CTNNA2: variants seen among roughly 807,000 people sequenced by gnomAD.
The protein encoded by CTNNA2 is catenin alpha 2, also known as catenin alpha-2.
Under a neutral mutation model 101.0 loss-of-function variants are expected in CTNNA2, and 42 were observed. The observed-to-expected ratio is 0.42, with a 90% CI of 0.32 to 0.54. The LOEUF (loss-of-function observed/expected upper bound fraction) is 0.54, where lower values mean the gene tolerates loss of function less well. Among genes scored for constraint, CTNNA2 ranks in the 20% least tolerant of loss-of-function variants. The probability of loss-of-function intolerance (pLI) is 0.14; values close to 1 mark genes in which losing one functional copy is unlikely to be tolerated. For synonymous variants in CTNNA2, 450 were observed against 456.4 expected, an observed-to-expected ratio of 0.99 and a Z score of 0.18; for missense variants, 871 against 1,223.1, an observed-to-expected ratio of 0.71 and a Z score of 4.29.
At chr2:79,864,866 C>T (rs13023387) in intron 4 of CTNNA2, among the ~76,000 whole-genome samples, 34,413 of 152,012 alleles carry the variant, frequency 0.23, 4,353 homozygotes, top group East Asian at 0.58. Flanking sequence ...TCCTCTCCTC[C>T]GATTTCAGTC....
intron 7 of CTNNA2, among the ~76,000 whole-genome samples, chr2:80,014,922 T>C (rs1283204743): frequency 1.3e-5 from 2 of 152,174 alleles, no homozygotes; most frequent in Non-Finnish European, 2.9e-5. Flanking sequence ...GGAAGGAGTA[T>C]AATACTTAGA....
At chr2:80,067,238 A>G (rs1276714073) in intron 7 of CTNNA2, among the ~76,000 whole-genome samples, 1 of 152,166 alleles carries the variant, frequency 6.6e-6, no homozygotes, top group African/African-American at 2.4e-5. Flanking sequence ...CGCATCACAA[A>G]AAAATGAAAA....
intron 6 of CTNNA2, among the ~76,000 whole-genome samples, chr2:79,881,557 C>A (rs1197290725): frequency 6.6e-6 from 1 of 152,002 alleles, no homozygotes; most frequent in African/African-American, 2.4e-5. Flanking sequence ...TACCCTTCAC[C>A]ATTATGTAAT....
intron 2 of CTNNA2, among the ~76,000 whole-genome samples, chr2:79,676,142 GC>G (rs1490688281): frequency 4.6e-5 from 7 of 152,136 alleles, no homozygotes; most frequent in Non-Finnish European, 7.3e-5. Context: ...ACATGCTATA[GC>G]CTCCCTCTCC....
intron 1 of CTNNA2, among the ~76,000 whole-genome samples, chr2:79,613,361 T>C (rs919639427): frequency 6.6e-6 from 1 of 151,628 alleles, no homozygotes; most frequent in Non-Finnish European, 1.5e-5. Context: ...GTTTTTTTTT[T>C]TTTCTTGAAA....
chr2:79,859,133 A>T (rs1681381934), intron 4 of CTNNA2, among the ~76,000 whole-genome samples: 1 of 152,030 alleles, frequency 6.6e-6, no homozygotes. Context: ...AGATGATGAG[A>T]TGCAAACCAC....
intron 7 of CTNNA2, among the ~76,000 whole-genome samples, chr2:80,037,455 G>C (rs770912833): frequency 1.3e-5 from 2 of 152,094 alleles, no homozygotes; most frequent in African/African-American, 2.4e-5. Flanking sequence ...ATTACTACTC[G>C]AAGGCAAGTG....
intron 4 of CTNNA2, among the ~76,000 whole-genome samples, chr2:79,413,902 A>G (rs182060260): frequency 2.2e-4 from 32 of 143,324 alleles, no homozygotes; most frequent in Admixed American, 2.1e-3. Flanking sequence ...GTCTATTTTA[A>G]TCAGATTGTT....
At chr2:79,841,799 G>A (rs891469171) in intron 3 of CTNNA2, among the ~76,000 whole-genome samples, 2 of 152,214 alleles carry the variant, frequency 1.3e-5, no homozygotes, top group African/African-American at 4.8e-5. Flanking sequence ...CCAGATGTTT[G>A]TGCTTGCTCT....
chr2:80,391,614 G>C (rs533263663), intron 7 of CTNNA2, among the ~76,000 whole-genome samples: 1 of 152,188 alleles, frequency 6.6e-6, no homozygotes, highest in Non-Finnish European at 1.5e-5. Context: ...TTTGCAAGGA[G>C]AGAACCAAAC....
chr2:80,328,476 C>T (rs755452513), intron 7 of CTNNA2: 5 of 438,136 alleles, frequency 1.1e-5, no homozygotes, highest in Non-Finnish European at 2.4e-5. Context: ...TTGGAGCAGT[C>T]ATCTGGAGCA....
intron 7 of CTNNA2, among the ~76,000 whole-genome samples, chr2:79,934,565 C>T (rs546092474): frequency 6.4e-4 from 98 of 152,318 alleles, no homozygotes; most frequent in Non-Finnish European, 1.0e-3. Flanking sequence ...GTCCTTACAT[C>T]ATTCCAAAGG....
chr2:79,823,000 T>C lies in CTNNA2; in HGVS notation c.299-35013T>C, dbSNP rs115590433. On this transcript the variant is annotated intron_variant, in intron 3 of 18. Transcript: ENST00000402739. ...TGATGTATGCTGGTCTTTTGCCAGA[T>C]ACAATTTTTTTCTCTTCATCTTTTA... Among the ~76,000 whole-genome samples the C allele has an allele frequency of 2.9e-3, 440 of 152,322 alleles. 2 individuals are homozygous for C. The highest frequency in any genetic ancestry group is 9.9e-3 in the African/African-American group (410 of 41,566).
At chr2:79,566,130 T>G (rs563341841) in intron 1 of CTNNA2, among the ~76,000 whole-genome samples, 279 of 152,236 alleles carry the variant, frequency 1.8e-3, no homozygotes, top group African/African-American at 6.4e-3. Flanking sequence ...AGATACCTAT[T>G]AAATATTAAT....
chr2:80,462,905 T>A (rs1392118036), intron 9 of CTNNA2, among the ~76,000 whole-genome samples: 1 of 152,124 alleles, frequency 6.6e-6, no homozygotes, highest in Non-Finnish European at 1.5e-5. Context: ...CGTTGATCTT[T>A]TATAGCTTAT....
At chr2:79,877,970 C>G (rs1683150731) in intron 6 of CTNNA2, among the ~76,000 whole-genome samples, 1 of 152,032 alleles carries the variant, frequency 6.6e-6, no homozygotes, top group East Asian at 1.9e-4. Flanking sequence ...CTTCCCTTGC[C>G]CCCACCCCGC....
chr2:79,250,270 A>C (rs1296024268), intron 2 of CTNNA2, among the ~76,000 whole-genome samples: 1 of 151,652 alleles, frequency 6.6e-6, no homozygotes, highest in African/African-American at 2.4e-5. Flanking sequence ...TTAGGTCTAC[A>C]GAAACCCTCA....
chr2:79,526,325 A>T (rs1338376365), intron 1 of CTNNA2, among the ~76,000 whole-genome samples: 1 of 152,064 alleles, frequency 6.6e-6, no homozygotes, highest in Non-Finnish European at 1.5e-5. Flanking sequence ...ACAAAATATC[A>T]TGAAAAGAAT....
chr2:79,967,722 A>G (rs1558684381), intron 7 of CTNNA2, among the ~76,000 whole-genome samples: 1 of 152,246 alleles, frequency 6.6e-6, no homozygotes, highest in Non-Finnish European at 1.5e-5. Context: ...TCCTAAGTAT[A>G]TACTCCAAAG....
Sources: gnomAD v4.1 joint callset for allele counts (sites outside exome capture counted in the v4.1 genomes callset) on GRCh38, gnomAD v4.1.1 for gene constraint, MANE v1.5 for transcripts, NCBI Gene and HGNC (gene_info 2026-07-23, HGNC 2026-07-21) for gene names.